The following KCNAB1 variants were observed in gnomAD, a reference collection of about 807,000 sequenced individuals.
KCNAB1 encodes the protein potassium voltage-gated channel subfamily A regulatory beta subunit 1.
KCNAB1 carries 35 observed loss-of-function variants against 64.6 expected under a neutral mutation model. The ratio of observed to expected loss-of-function variants is 0.54; its 90% CI spans 0.41 to 0.72. The LOEUF (loss-of-function observed/expected upper bound fraction) is 0.72. Among genes scored for constraint, KCNAB1 ranks in the 30% least tolerant of loss-of-function variants. The pLI is 0.00. For missense variants in KCNAB1, 401 were observed against 512.9 expected (o/e 0.78, Z 2.11); for synonymous variants, 177 against 183.8 (o/e 0.96, Z 0.30).
Position 156,474,948 on chromosome 3 carries a change from G to C in KCNAB1, c.658+128G>C, listed in dbSNP as rs1031673409. Reference sequence around the variant, plus strand: ...GAATGTGAAAAATAAAAATGTTTCTGACTGATGCCTTTTGGCCTCAGCGTT... The same window carrying C: ...GAATGTGAAAAATAAAAATGTTTCTCACTGATGCCTTTTGGCCTCAGCGTT... On this transcript the variant is annotated intron_variant, in intron 8 of 13. Transcript: ENST00000490337. 5 of 751,790 alleles carry C rather than the reference G, an allele frequency of 6.7e-6. No homozygotes were observed. In the South Asian group the frequency reaches 8.4e-5, roughly 13 times the overall value. The allele number at this position is 751,790 out of a possible 1,614,324, so 46.6% of individuals were successfully genotyped here.
At chr3:156,539,115 A>C (rs1223717005), downstream of KCNAB1, 3 of 152,216 alleles carry the variant, frequency 2.0e-5, no homozygotes, top group Admixed American at 6.5e-5. Flanking sequence ...CTGGCAGAGA[A>C]TCTATCATTC....
upstream of KCNAB1, chr3:156,118,394 T>C (rs1384592876): frequency 9.1e-6 from 4 of 441,432 alleles, no homozygotes; most frequent in African/African-American, 2.0e-5. Context: ...GAAAGCTGCA[T>C]GGTCTTTCTG....
At chr3:156,245,410 G>A (rs995791006) in intron 1 of KCNAB1, among the ~76,000 whole-genome samples, 3 of 152,094 alleles carry the variant, frequency 2.0e-5, no homozygotes, top group African/African-American at 7.2e-5. Flanking sequence ...TGCATAACAT[G>A]GTACAACATT....
intron 1 of KCNAB1, among the ~76,000 whole-genome samples, chr3:156,187,883 G>A (rs141152514): frequency 5.3e-5 from 8 of 152,202 alleles, no homozygotes; most frequent in African/African-American, 1.7e-4. Flanking sequence ...CCCTTCATTG[G>A]TTTCCCAATT....
chr3:156,462,980 C>T (rs1713038614), intron 5 of KCNAB1, among the ~76,000 whole-genome samples: 1 of 152,168 alleles, frequency 6.6e-6, no homozygotes, highest in Non-Finnish European at 1.5e-5. Context: ...GAGATATGCA[C>T]ATTTCATTCC....
chr3:156,524,001 G>T (rs1718127786), intron 12 of KCNAB1, 54 bp downstream of exon 12: 1 of 1,548,430 alleles, frequency 6.5e-7, no homozygotes, highest in Non-Finnish European at 8.8e-7. Flanking sequence ...TGAGATCATA[G>T]TTTTCTATTG....
At chr3:156,475,687 CTT>C (rs934512415) in intron 8 of KCNAB1, among the ~76,000 whole-genome samples, 1 of 152,178 alleles carries the variant, frequency 6.6e-6, no homozygotes, top group African/African-American at 2.4e-5. Flanking sequence ...TTGAAGGTAA[CTT>C]TGTCCTTGAT....
At chr3:156,495,630 C>T (rs1715961434) in intron 8 of KCNAB1, among the ~76,000 whole-genome samples, 1 of 152,192 alleles carries the variant, frequency 6.6e-6, no homozygotes, top group African/African-American at 2.4e-5. Context: ...CCAGCTCCAT[C>T]ACTTACTAGC....
intron 1 of KCNAB1, among the ~76,000 whole-genome samples, chr3:156,129,266 A>G (rs964221375): frequency 4.0e-5 from 6 of 151,434 alleles, no homozygotes; most frequent in Non-Finnish European, 7.4e-5. Flanking sequence ...TCGTTATTCT[A>G]CTCCATATCG....
At chr3:156,181,479 T>C (rs1241877407) in intron 1 of KCNAB1, among the ~76,000 whole-genome samples, 1 of 152,150 alleles carries the variant, frequency 6.6e-6, no homozygotes, top group Non-Finnish European at 1.5e-5. Flanking sequence ...TTGATAAAGC[T>C]CTCCTTGGGG....
At chr3:156,469,252 T>C (rs1463166361) in intron 7 of KCNAB1, among the ~76,000 whole-genome samples, 10 of 129,810 alleles carry the variant, frequency 7.7e-5, no homozygotes, top group South Asian at 5.8e-4. Context: ...TTCTTTCTTT[T>C]TTTTTTTTTT....
Position 156,441,031 on chromosome 3 carries a change from A to G in KCNAB1, c.320-11868A>G, listed in dbSNP as rs550868436. On this transcript the variant is annotated intron_variant, in intron 2 of 13. Transcript: ENST00000490337. ...TTTGAGTTTTTATTAATGATATTCA[A>G]TACTCTAAATATCATGAAGTTCATA... 4.6e-5 allele frequency: 7 copies of G among 152,330 alleles called. No homozygotes were observed. The South Asian group carries it at 1.0e-3, about 23-fold the overall frequency. The allele number at this position is 152,330 out of a possible 1,614,324, so 9.4% of individuals were successfully genotyped here.
chr3:156,140,867 G>A (rs1714666831), intron 1 of KCNAB1, among the ~76,000 whole-genome samples: 1 of 152,108 alleles, frequency 6.6e-6, no homozygotes. Flanking sequence ...CCTAGAGGAG[G>A]TGAGCTTTAA....
At chr3:156,288,219 G>A (rs543552726) in intron 1 of KCNAB1, among the ~76,000 whole-genome samples, 1 of 152,250 alleles carries the variant, frequency 6.6e-6, no homozygotes, top group South Asian at 2.1e-4. Flanking sequence ...TTGGGTTAGG[G>A]CCCACCCATA....
At chr3:156,504,741 TG>T (rs71624593) in intron 8 of KCNAB1, among the ~76,000 whole-genome samples, 28,080 of 127,360 alleles carry the variant, frequency 0.22, 2,595 homozygotes, top group South Asian at 0.32. Flanking sequence ...GTTTTGTTTT[TG>T]TTTTTTTTGT....
At chr3:156,462,327 G>C (rs759313060) in intron 5 of KCNAB1, among the ~76,000 whole-genome samples, 5 of 152,206 alleles carry the variant, frequency 3.3e-5, no homozygotes, top group African/African-American at 4.8e-5. Flanking sequence ...AGAATATGCA[G>C]CTTTGAATAA....
intron 1 of KCNAB1, among the ~76,000 whole-genome samples, chr3:156,414,604 G>A (rs1714921068): frequency 6.6e-6 from 1 of 152,166 alleles, no homozygotes; most frequent in Non-Finnish European, 1.5e-5. Flanking sequence ...GAGAATGGAA[G>A]GATATGCTAA....
At chr3:156,474,147 CA>C (rs1175968465) in intron 7 of KCNAB1, among the ~76,000 whole-genome samples, 2 of 152,096 alleles carry the variant, frequency 1.3e-5, no homozygotes, top group Non-Finnish European at 2.9e-5. Context: ...TGGTAGAGCT[CA>C]GCTATATTTT....
intron 1 of KCNAB1, among the ~76,000 whole-genome samples, chr3:156,248,434 G>T (rs1160614722): frequency 6.6e-6 from 1 of 151,430 alleles, no homozygotes; most frequent in Non-Finnish European, 1.5e-5. Context: ...GATGCCATGG[G>T]AAGTTGTTAC....
Sources: gnomAD v4.1 joint callset for allele counts (sites outside exome capture counted in the v4.1 genomes callset) on GRCh38, gnomAD v4.1.1 for gene constraint, MANE v1.5 for transcripts, NCBI Gene and HGNC (gene_info 2026-07-23, HGNC 2026-07-21) for gene names.